GBE1: variants seen among roughly 807,000 people sequenced by gnomAD.
GBE1 encodes 1,4-alpha-glucan-branching enzyme.
A neutral mutation model predicts 88.8 loss-of-function variants in GBE1; 70 were observed. That is an observed-to-expected ratio of 0.79 (90% CI 0.65 to 0.96). GBE1 has a LOEUF of 0.96. GBE1 is among the 40% of genes least tolerant of loss of function. The pLI, the probability that GBE1 is intolerant of heterozygous loss-of-function variation, is 0.00. For missense variants in GBE1, 872 were observed against 871.0 expected, an observed-to-expected ratio of 1.00 and a Z score of -0.01; for synonymous variants, 284 against 300.1, an observed-to-expected ratio of 0.95 and a Z score of 0.56.
intron 7 of GBE1, among the ~76,000 whole-genome samples, chr3:81,595,787 A>C (rs1187487034): frequency 6.6e-6 from 1 of 151,986 alleles, no homozygotes; most frequent in Non-Finnish European, 1.5e-5. Flanking sequence ...ACAGGAAATA[A>C]ACTGTGTTTA....
At chr3:81,691,596 C>T (rs1444825943) in intron 2 of GBE1, among the ~76,000 whole-genome samples, 2 of 151,874 alleles carry the variant, frequency 1.3e-5, no homozygotes, top group East Asian at 3.9e-4. Context: ...AGGCAACATA[C>T]CAAGACACTC....
chr3:81,658,177 G>A (rs1224819327), intron 3 of GBE1, among the ~76,000 whole-genome samples: 5 of 151,910 alleles, frequency 3.3e-5, no homozygotes, highest in Non-Finnish European at 7.4e-5. Context: ...GCTTGAATAG[G>A]ACAAAGGGTT....
chr3:81,647,181 C>T (rs1330877883), intron 5 of GBE1, among the ~76,000 whole-genome samples: 1 of 152,096 alleles, frequency 6.6e-6, no homozygotes, highest in African/African-American at 2.4e-5. Context: ...TGGTCTCGAA[C>T]TCCTGACCTC....
At chr3:81,559,420 T>C (rs1487060809) in intron 12 of GBE1, among the ~76,000 whole-genome samples, 2 of 151,748 alleles carry the variant, frequency 1.3e-5, no homozygotes, top group Admixed American at 1.3e-4. Flanking sequence ...GTATCCTCCC[T>C]ACCTACTCCC....
intron 2 of GBE1, among the ~76,000 whole-genome samples, chr3:81,682,989 C>CA (rs1158561253): frequency 6.6e-6 from 1 of 152,034 alleles, no homozygotes; most frequent in African/African-American, 2.4e-5. Context: ...AATCACATCA[C>CA]AAAAAAACAC....
intron 12 of GBE1, among the ~76,000 whole-genome samples, chr3:81,574,885 C>T (rs1703623611): frequency 6.6e-6 from 1 of 152,084 alleles, no homozygotes; most frequent in Admixed American, 6.5e-5. Flanking sequence ...TAGAATGAGG[C>T]CGGGGGCAGT....
intron 2 of GBE1, among the ~76,000 whole-genome samples, chr3:81,681,163 G>C (rs1231811830): frequency 2.0e-5 from 3 of 152,226 alleles, no homozygotes; most frequent in Non-Finnish European, 4.4e-5. Flanking sequence ...AGAAGAAATT[G>C]TAAGAGAATT....
At chr3:81,646,319 T>A in intron 6 of GBE1, 73 bp downstream of exon 6, 1 of 977,486 alleles carries the variant, frequency 1.0e-6, no homozygotes, top group Non-Finnish European at 1.6e-6. Flanking sequence ...TTATAAAAAA[T>A]GAACAATTTC....
chr3:81,682,032 T>C (rs1320565731), intron 2 of GBE1, among the ~76,000 whole-genome samples: 2 of 152,188 alleles, frequency 1.3e-5, no homozygotes, highest in African/African-American at 2.4e-5. Context: ...ATATATTTGA[T>C]AGGGGATGTG....
At chr3:81,564,549 T>C (rs1703466183) in intron 12 of GBE1, among the ~76,000 whole-genome samples, 2 of 152,182 alleles carry the variant, frequency 1.3e-5, no homozygotes, top group Admixed American at 6.5e-5. Flanking sequence ...TCTTTTTATA[T>C]TTGTAAAAGA....
intron 12 of GBE1, among the ~76,000 whole-genome samples, chr3:81,559,187 T>A (rs918719068): frequency 6.6e-6 from 1 of 152,026 alleles, no homozygotes; most frequent in Non-Finnish European, 1.5e-5. Context: ...TTTGTTTTAT[T>A]TTACAAAGTA....
In GBE1 at chr3:81,575,081, C is replaced by T. The variant is rs577557477; in HGVS notation, c.1618+2844G>A. On this transcript the variant is annotated intron_variant, in intron 12 of 15. Transcript: ENST00000429644. Reference sequence around the variant, plus strand: ...TTGGGAGGCTGAGGCAGGAGAATGGCGTGAACCCGGGAAGCAGAGCTTGCA... The same window carrying T: ...TTGGGAGGCTGAGGCAGGAGAATGGTGTGAACCCGGGAAGCAGAGCTTGCA... Among the ~76,000 whole-genome samples the T allele has an allele frequency of 5.3e-5, 8 of 151,064 alleles. No individual in the cohort carries two copies. The South Asian group carries it at 8.4e-4, about 16-fold the overall frequency.
At chr3:81,686,616 T>C (rs1441462868) in intron 2 of GBE1, among the ~76,000 whole-genome samples, 1 of 151,932 alleles carries the variant, frequency 6.6e-6, no homozygotes, top group Admixed American at 6.6e-5. Flanking sequence ...ATTACCCGTG[T>C]ATGGTGGCGT....
intron 1 of GBE1, among the ~76,000 whole-genome samples, chr3:81,736,614 G>A (rs745774975): frequency 2.0e-4 from 30 of 152,246 alleles, no homozygotes; most frequent in Admixed American, 1.0e-3. Context: ...GTTTTAAACC[G>A]GAAGGAAATG....
chr3:81,732,139 A>C (rs1336867413), intron 1 of GBE1, among the ~76,000 whole-genome samples: 3 of 152,206 alleles, frequency 2.0e-5, no homozygotes, highest in African/African-American at 7.2e-5. Flanking sequence ...ACTAAGCATT[A>C]AAATATAGTT....
intron 12 of GBE1, among the ~76,000 whole-genome samples, chr3:81,537,816 T>G (rs1223112395): frequency 6.6e-6 from 1 of 152,010 alleles, no homozygotes; most frequent in Non-Finnish European, 1.5e-5. Context: ...TTATGCTTAT[T>G]CTTCTGTGTG....
chr3:81,632,057 T>G (rs943174347), intron 7 of GBE1, among the ~76,000 whole-genome samples: 2 of 152,112 alleles, frequency 1.3e-5, no homozygotes, highest in African/African-American at 4.8e-5. Flanking sequence ...GAACATGCAG[T>G]GTTTGGTTTT....
Position 81,761,410 on chromosome 3 carries a change from C to G in GBE1, c.108G>C (p.Pro36=). The G allele has an allele frequency of 1.9e-6, 3 of 1,613,218 alleles. No homozygotes were observed. The highest frequency in any genetic ancestry group is 2.5e-6 in the Non-Finnish European group (3 of 1,179,438). The change falls in exon 1 of 16, where the codon CCG becomes CCC. Residue 36 remains proline (P), a synonymous_variant. Coordinates refer to ENST00000429644, the MANE Select transcript of GBE1 (RefSeq NM_000158.4). ...PELARLLEID[P]YLKPYAVDFQ... is the part of the protein sequence containing the mutation. ...AGTCCACGGCGTAGGGCTTCAAGTACGGGTCGATCTCCAGGAGTCTGGCCA... is the reference window on the plus strand; with the variant it reads ...AGTCCACGGCGTAGGGCTTCAAGTAGGGGTCGATCTCCAGGAGTCTGGCCA...
intron 2 of GBE1, among the ~76,000 whole-genome samples, chr3:81,704,102 C>A (rs896726290): frequency 4.0e-5 from 6 of 151,784 alleles, no homozygotes; most frequent in African/African-American, 1.5e-4. Context: ...GAATGAAATT[C>A]TCATCAATAA....
Sources: gnomAD v4.1 joint callset for allele counts (sites outside exome capture counted in the v4.1 genomes callset) on GRCh38, gnomAD v4.1.1 for gene constraint, MANE v1.5 for transcripts, NCBI Gene and HGNC (gene_info 2026-07-23, HGNC 2026-07-21) for gene names.